DTWD2: variants seen among roughly 807,000 people sequenced by gnomAD.
The protein encoded by DTWD2 is DTW motif tRNA-uridine aminocarboxypropyltransferase 2.
A neutral mutation model predicts 31.8 loss-of-function variants in DTWD2; 39 were observed. The observed-to-expected ratio is 1.22, with a 90% CI of 0.95 to 1.60. The LOEUF is 1.60. Among genes scored for constraint, DTWD2 ranks in the 40% most tolerant of loss-of-function variants. The pLI, the probability that DTWD2 is intolerant of heterozygous loss-of-function variation, is 0.00. For synonymous variants in DTWD2, 180 were observed against 142.8 expected (o/e 1.26, Z -1.86); for missense variants, 515 against 381.5 (o/e 1.35, Z -2.92).
intron 1 of DTWD2, chr5:118,973,694 C>T (rs1034967019): frequency 1.5e-4 from 204 of 1,393,426 alleles, no homozygotes; most frequent in African/African-American, 3.7e-4. Flanking sequence ...CTCCGCCACG[C>T]GCCTCCTCCG....
chr5:118,956,200 A>C (rs1386603432), intron 1 of DTWD2, among the ~76,000 whole-genome samples: 1 of 152,220 alleles, frequency 6.6e-6, no homozygotes, highest in African/African-American at 2.4e-5. Context: ...ACTGACCAAA[A>C]TAGGTGCTGA....
chr5:118,924,936 G>A (rs1753778531), intron 4 of DTWD2, among the ~76,000 whole-genome samples: 1 of 152,128 alleles, frequency 6.6e-6, no homozygotes. Flanking sequence ...GATAATACAT[G>A]TAAATACATG....
intron 4 of DTWD2, among the ~76,000 whole-genome samples, chr5:118,852,587 T>C (rs114625607): frequency 6.6e-6 from 1 of 152,142 alleles, no homozygotes; most frequent in African/African-American, 2.4e-5. Context: ...GAAGAGGTTA[T>C]GGAGAAAAGG....
At chr5:118,954,107 C>A (rs1374040612) in intron 1 of DTWD2, among the ~76,000 whole-genome samples, 1 of 152,228 alleles carries the variant, frequency 6.6e-6, no homozygotes, top group East Asian at 1.9e-4. Context: ...CTCATCTCTA[C>A]TAAAAATTTA....
rs901451985 is a variant in DTWD2 at position 118,988,357 on chromosome 5, G to T, written c.155C>A (p.Ala52Glu). The part of the protein sequence containing the change: ...ALGAEADDDS[A>E]DGLWELPVEP... ...CACCGGCAGCTCCCACAGCCCGTCC[G>T]CACTGTCGTCGTCCGCCTCTGCGCC... is the stretch of plus-strand genomic sequence containing the variant. Residue 52 changes from alanine to glutamate, a missense_variant, in exon 1 of 6, where the codon GCG (alanine) becomes GAG (glutamate). Transcript: ENST00000510708. 6.4e-7 allele frequency: 1 copy of T among 1,564,168 alleles called. No homozygotes were observed.
chr5:118,921,890 C>T (rs1753713889), intron 4 of DTWD2, among the ~76,000 whole-genome samples: 1 of 152,150 alleles, frequency 6.6e-6, no homozygotes, highest in Non-Finnish European at 1.5e-5. Flanking sequence ...TAACATAAAG[C>T]AGTCTGTAAC....
Position 118,975,111 on chromosome 5 carries a change from A to C in DTWD2, c.218+13183T>G, listed in dbSNP as rs532421178. 2.0e-3 allele frequency among the ~76,000 whole-genome samples: 303 copies of C among 152,240 alleles called. 1 individual carries two copies. The highest frequency in any genetic ancestry group is 2.7e-3 in the Non-Finnish European group (186 of 68,002). ...GGAAGTTCTCCTGGATAATATCCTGAAGAGTGTTTTCCAACTTGGTTCCAT... is the reference window on the plus strand; with the variant it reads ...GGAAGTTCTCCTGGATAATATCCTGCAGAGTGTTTTCCAACTTGGTTCCAT... On this transcript the variant is annotated intron_variant, in intron 1 of 5. Coordinates refer to ENST00000510708, the MANE Select transcript of DTWD2 (RefSeq NM_173666.4).
intron 4 of DTWD2, among the ~76,000 whole-genome samples, chr5:118,917,730 G>A (rs1408148963): frequency 6.6e-6 from 1 of 152,128 alleles, no homozygotes; most frequent in African/African-American, 2.4e-5. Context: ...CCAGCACTTT[G>A]GGAGGCTGAG....
At chr5:118,878,121 A>C (rs1439478750) in intron 4 of DTWD2, among the ~76,000 whole-genome samples, 1 of 152,226 alleles carries the variant, frequency 6.6e-6, no homozygotes, top group Non-Finnish European at 1.5e-5. Context: ...ATTCCTATTA[A>C]ATTCTCATTG....
chr5:118,852,344 A>G (rs1752029612), intron 4 of DTWD2, among the ~76,000 whole-genome samples: 2 of 152,126 alleles, frequency 1.3e-5, no homozygotes, highest in South Asian at 2.1e-4. Flanking sequence ...CAGCTTATGA[A>G]GATAAGAGGA....
rs1239519862 is a variant in DTWD2 at position 118,840,264 on chromosome 5, C to T, written c.*653G>A. On this transcript the variant is annotated 3_prime_UTR_variant, in exon 6 of 6. Coordinates refer to ENST00000510708, the MANE Select transcript of DTWD2 (RefSeq NM_173666.4). ...AGTCAATAAGCCTGTTCAATGAACA[C>T]TGAAAAATACAAATTTATCCAGAGT... 6.6e-6 allele frequency: 1 copy of T among 152,080 alleles called. No homozygotes were observed. Among genetic ancestry groups the T allele is most frequent in the Non-Finnish European group, 1.5e-5 (1 of 67,998 alleles). The allele number at this position is 152,080 out of a possible 1,614,324, so 9.4% of individuals were successfully genotyped here. A position where few individuals can be genotyped will look rare whatever the true frequency, so the allele number is the denominator to read the frequency against.
At chr5:118,923,388 T>G (rs73239063) in intron 4 of DTWD2, among the ~76,000 whole-genome samples, 10,482 of 152,156 alleles carry the variant, frequency 0.069, 1,159 homozygotes, top group African/African-American at 0.23. Flanking sequence ...AACTTCCTGG[T>G]CATGCTCACT....
intron 4 of DTWD2, among the ~76,000 whole-genome samples, chr5:118,875,443 T>C (rs2149551616): frequency 6.6e-6 from 1 of 152,016 alleles, no homozygotes; most frequent in African/African-American, 2.4e-5. Flanking sequence ...ATTGGTATGT[T>C]GTCTTCAAGA....
intron 4 of DTWD2, among the ~76,000 whole-genome samples, chr5:118,901,896 C>G (rs988839716): frequency 1.2e-4 from 19 of 152,186 alleles, no homozygotes; most frequent in African/African-American, 4.6e-4. Flanking sequence ...GCACAAGCCA[C>G]TGCATCTGGC....
At position 118,981,028 on chromosome 5, in the gene DTWD2, G is replaced by C. The variant is rs1755287458; in HGVS notation, c.218+7266C>G. Reference sequence around the variant, plus strand: ...ATAAAATTCAGCCACAGAATTCAGTGAAATTTTCATTCATTTGCTACAACA... The same window carrying C: ...ATAAAATTCAGCCACAGAATTCAGTCAAATTTTCATTCATTTGCTACAACA... On this transcript the variant is annotated intron_variant, in intron 1 of 5. Coordinates refer to ENST00000510708, the MANE Select transcript of DTWD2 (RefSeq NM_173666.4). Among the ~76,000 whole-genome samples, 2 of 152,170 alleles carry C rather than the reference G, an allele frequency of 1.3e-5. 1 individual carries two copies. The highest frequency in any genetic ancestry group is 2.9e-5 in the Non-Finnish European group (2 of 68,030).
intron 1 of DTWD2, among the ~76,000 whole-genome samples, chr5:118,949,186 G>A (rs1346288782): frequency 6.6e-6 from 1 of 152,202 alleles, no homozygotes; most frequent in East Asian, 1.9e-4. Flanking sequence ...TGAATAAAGT[G>A]AGAAGCAGAT....
intron 5 of DTWD2, among the ~76,000 whole-genome samples, chr5:118,847,045 A>AG (rs1353819565): frequency 6.6e-6 from 1 of 152,054 alleles, no homozygotes; most frequent in Non-Finnish European, 1.5e-5. Context: ...GGTAGAGGAG[A>AG]GGAAAAAAGT....
chr5:118,962,115 G>A (rs1338846715), intron 1 of DTWD2, among the ~76,000 whole-genome samples: 1 of 152,082 alleles, frequency 6.6e-6, no homozygotes, highest in South Asian at 2.1e-4. Context: ...GTGCATGCCT[G>A]TAATCCCAGC....
chr5:118,866,443 A>C (rs1477127294), intron 4 of DTWD2, among the ~76,000 whole-genome samples: 5 of 152,234 alleles, frequency 3.3e-5, no homozygotes, highest in Non-Finnish European at 1.5e-5. Flanking sequence ...AAAATTCTGC[A>C]GTCTTCATAA....
Sources: gnomAD v4.1 joint callset for allele counts (sites outside exome capture counted in the v4.1 genomes callset) on GRCh38, gnomAD v4.1.1 for gene constraint, MANE v1.5 for transcripts, NCBI Gene and HGNC (gene_info 2026-07-23, HGNC 2026-07-21) for gene names.